The following KCNH8 variants were observed in gnomAD, a reference collection of about 807,000 sequenced individuals.
KCNH8 encodes voltage-gated delayed rectifier potassium channel KCNH8.
KCNH8 carries 70 observed loss-of-function variants against 103.6 expected under a neutral mutation model. That is an observed-to-expected ratio of 0.68 (90% confidence interval 0.56 to 0.82). The LOEUF is 0.82. KCNH8 is among the 40% of genes least tolerant of loss of function. KCNH8 has a pLI of 0.00. For missense variants in KCNH8, 1,217 were observed against 1,329.9 expected (o/e 0.92, Z 1.32); for synonymous variants, 498 against 489.4 (o/e 1.02, Z -0.23).
intron 5 of KCNH8, among the ~76,000 whole-genome samples, chr3:19,355,807 C>T (rs917808885): frequency 6.6e-6 from 1 of 151,912 alleles, no homozygotes; most frequent in Non-Finnish European, 1.5e-5. Context: ...GGGTGCAGCA[C>T]ACCAACATGG....
At chr3:19,366,943 A>G (rs1056499306) in intron 5 of KCNH8, among the ~76,000 whole-genome samples, 1 of 152,082 alleles carries the variant, frequency 6.6e-6, no homozygotes, top group Non-Finnish European at 1.5e-5. Context: ...TAGTCAATGT[A>G]TTAAATATTT....
chr3:19,251,383 C>T (rs1449094308), intron 1 of KCNH8, among the ~76,000 whole-genome samples: 1 of 151,906 alleles, frequency 6.6e-6, no homozygotes, highest in Non-Finnish European at 1.5e-5. Context: ...GTCTCTAGCT[C>T]ATGCTTTCAG....
At chr3:19,397,161 A>G (rs1409734594) in intron 7 of KCNH8, among the ~76,000 whole-genome samples, 1 of 151,942 alleles carries the variant, frequency 6.6e-6, no homozygotes, top group Non-Finnish European at 1.5e-5. Flanking sequence ...AATTGCTTCT[A>G]TATTTACCCC....
chr3:19,516,391 T>C (rs2068875075), intron 14 of KCNH8, among the ~76,000 whole-genome samples: 1 of 152,042 alleles, frequency 6.6e-6, no homozygotes, highest in African/African-American at 2.4e-5. Flanking sequence ...TGAAATTCCT[T>C]GATTGGGAGT....
At chr3:19,473,817 G>C (rs2067913562) in intron 11 of KCNH8, among the ~76,000 whole-genome samples, 1 of 152,182 alleles carries the variant, frequency 6.6e-6, no homozygotes, top group Non-Finnish European at 1.5e-5. Context: ...GAACATAAGT[G>C]AAAGAAGCAA....
chr3:19,428,201 C>T (rs754431946), intron 7 of KCNH8, among the ~76,000 whole-genome samples: 55 of 152,160 alleles, frequency 3.6e-4, no homozygotes, highest in Non-Finnish European at 6.9e-4. Context: ...GTACTTAGCA[C>T]ATCAGACCAT....
intron 7 of KCNH8, among the ~76,000 whole-genome samples, chr3:19,405,561 A>G (rs2066679037): frequency 6.6e-6 from 1 of 151,944 alleles, no homozygotes; most frequent in African/African-American, 2.4e-5. Flanking sequence ...AAGATGTTTT[A>G]TAAATCACTG....
At chr3:19,398,877 C>A (rs539092313) in intron 7 of KCNH8, among the ~76,000 whole-genome samples, 3 of 151,874 alleles carry the variant, frequency 2.0e-5, no homozygotes, top group Non-Finnish European at 4.4e-5. Flanking sequence ...ATTTTATGTA[C>A]GAAAGTTACT....
chr3:19,186,460 C>A (rs2063503747), intron 1 of KCNH8, among the ~76,000 whole-genome samples: 1 of 151,892 alleles, frequency 6.6e-6, no homozygotes, highest in African/African-American at 2.4e-5. Flanking sequence ...GGCACTTTTT[C>A]TGGCCCTTGT....
At chr3:19,154,554 C>G (rs555481532) in intron 1 of KCNH8, among the ~76,000 whole-genome samples, 1 of 152,150 alleles carries the variant, frequency 6.6e-6, no homozygotes, top group Non-Finnish European at 1.5e-5. Context: ...TGGGATGTTT[C>G]TTTTTACTAT....
intron 5 of KCNH8, among the ~76,000 whole-genome samples, chr3:19,374,005 T>C (rs921896546): frequency 3.9e-5 from 6 of 152,226 alleles, no homozygotes; most frequent in Non-Finnish European, 8.8e-5. Context: ...CTTTTACATT[T>C]GCTGAGGAGT....
intron 11 of KCNH8, among the ~76,000 whole-genome samples, chr3:19,495,838 G>C (rs1457165320): frequency 6.6e-6 from 1 of 152,018 alleles, no homozygotes; most frequent in African/African-American, 2.4e-5. Context: ...TGAGCATGGA[G>C]TGTTTTTCCA....
chr3:19,330,847 T>A (rs1256062008), intron 3 of KCNH8, among the ~76,000 whole-genome samples: 1 of 152,184 alleles, frequency 6.6e-6, no homozygotes, highest in Non-Finnish European at 1.5e-5. Context: ...AGGCAAAGGA[T>A]AATCATGTAT....
intron 3 of KCNH8, among the ~76,000 whole-genome samples, chr3:19,337,359 T>C (rs578161444): frequency 6.6e-6 from 1 of 152,254 alleles, no homozygotes; most frequent in South Asian, 2.1e-4. Context: ...TGATGTTTTG[T>C]TCAGAAGTCC....
At chr3:19,503,863 G>A (rs1441072214) in intron 11 of KCNH8, among the ~76,000 whole-genome samples, 1 of 151,896 alleles carries the variant, frequency 6.6e-6, no homozygotes, top group East Asian at 1.9e-4. Context: ...CACCAGCATG[G>A]CACACGTATA....
intron 1 of KCNH8, among the ~76,000 whole-genome samples, chr3:19,191,995 T>G (rs890867167): frequency 1.3e-5 from 2 of 151,660 alleles, no homozygotes; most frequent in African/African-American, 4.8e-5. Flanking sequence ...CTTGGGGTAG[T>G]AGATTGGTAT....
chr3:19,411,049 A>G (rs2066770442), intron 7 of KCNH8, among the ~76,000 whole-genome samples: 1 of 152,038 alleles, frequency 6.6e-6, no homozygotes, highest in Non-Finnish European at 1.5e-5. Flanking sequence ...AAAACCTGGT[A>G]ACAATATAAT....
At chr3:19,488,677 A>C (rs773150909) in intron 11 of KCNH8, among the ~76,000 whole-genome samples, 18 of 152,232 alleles carry the variant, frequency 1.2e-4, no homozygotes, top group Non-Finnish European at 1.9e-4. Context: ...TCAATGCCTT[A>C]GGATACCATC....
rs1559375973 is a variant in KCNH8, at chr3:19,534,165, T to C, written c.*66T>C. On this transcript the variant is annotated 3_prime_UTR_variant, in exon 16 of 16. Transcript: ENST00000328405. The stretch of plus-strand genomic sequence containing the variant: ...ACTGCATGACAGTTTTAGTTTGCCT[T>C]TTTGCCTCTGGTGGGCATGAAGACT... 7.9e-7 allele frequency: 1 copy of C among 1,257,900 alleles called. No homozygotes were observed. The highest frequency in any genetic ancestry group is 1.1e-6 in the Non-Finnish European group (1 of 894,548). 77.9% of individuals were successfully genotyped at this position (1,257,900 alleles called of 1,614,324 possible). A position where few individuals can be genotyped will look rare whatever the true frequency, so the allele number is the denominator to read the frequency against.
Sources: allele counts gnomAD v4.1 joint callset (sites outside exome capture counted in the v4.1 genomes callset), GRCh38; gene constraint gnomAD v4.1.1; transcripts MANE v1.5; gene names NCBI Gene and HGNC (gene_info 2026-07-23, HGNC 2026-07-21).